Variants in CDK18 observed in about 807,000 individuals in gnomAD.
CDK18 encodes cyclin-dependent kinase 18.
A neutral mutation model predicts 62.0 loss-of-function variants in CDK18; 52 were observed. That is an observed-to-expected ratio of 0.84 (90% confidence interval 0.67 to 1.06). CDK18 has a LOEUF of 1.06. Ranked by LOEUF, CDK18 falls within the 50% of genes least tolerant of loss-of-function variation. The pLI is 0.00. For missense variants in CDK18, 604 were observed against 619.9 expected (o/e 0.97, Z 0.27); for synonymous variants, 237 against 247.0 (o/e 0.96, Z 0.38).
chr1:205,526,812 A>G lies in CDK18; in HGVS notation c.704A>G (p.Asn235Ser). 5 of 1,613,990 alleles carry G rather than the reference A, an allele frequency of 3.1e-6. No homozygotes were observed. The highest frequency in any genetic ancestry group is 4.2e-6 in the Non-Finnish European group (5 of 1,179,870). Residue 235 changes from asparagine (N) to serine (S), a missense_variant, in exon 8 of 16, where the codon AAC becomes AGC. Transcript: ENST00000429964. ...DLKQYLDHCG[N>S]LMSMHNVKIF... ...AAGCAGTATCTGGACCACTGTGGGA[A>G]CCTCATGAGCATGCACAACGTCAAG...
intron 1 of CDK18, among the ~76,000 whole-genome samples, chr1:205,515,463 C>T (rs1667773843): frequency 6.6e-6 from 1 of 152,192 alleles, no homozygotes; most frequent in South Asian, 2.1e-4. Flanking sequence ...AGACATGAGC[C>T]ACCGCGCCTA....
At position 205,529,173 on chromosome 1, in the gene CDK18, G is replaced by C. The variant is rs1668600140; in HGVS notation, c.1072+77G>C. The C allele has an allele frequency of 7.8e-6, 11 of 1,403,488 alleles. 3 individuals carry two copies. The South Asian group carries it at 1.2e-4, about 16-fold the overall frequency. The allele number at this position is 1,403,488 out of a possible 1,614,324, so 86.9% of individuals were successfully genotyped here. A position where few individuals can be genotyped will look rare whatever the true frequency, so the allele number is the denominator to read the frequency against. ...CTCCAGCCCAGGCGCGGAGCGGGAC[G>C]GGGAGGAGCGGCTCGGCCGCCTCTC... On this transcript the variant is annotated intron_variant, in intron 11 of 15. Coordinates refer to ENST00000429964, the MANE Select transcript of CDK18 (RefSeq NM_212502.3).
rs576875715 is a variant in CDK18 at position 205,505,215 on chromosome 1, GAAGGGC to G, written c.-22+425_-22+430del. Among the ~76,000 whole-genome samples, 1,013 of 152,280 alleles carry G rather than the reference GAAGGGC, an allele frequency of 6.7e-3. 3 individuals carry two copies. Among genetic ancestry groups the G allele is most frequent in the Middle Eastern group, 0.034 (10 of 294 alleles). Reference sequence around the variant, plus strand: ...GCTTTCTAAGCTCCCTTCATTCTGGGAAGGGCAAGGGTCAGGAGTCTCCAGGGACCA... The same window carrying G: ...GCTTTCTAAGCTCCCTTCATTCTGGGAAGGGTCAGGAGTCTCCAGGGACCA... On this transcript the variant is annotated intron_variant, in intron 1 of 15. Coordinates refer to ENST00000429964, the MANE Select transcript of CDK18 (RefSeq NM_212502.3).
chr1:205,529,151 C>A, intron 11 of CDK18, 55 bp downstream of exon 11: 1 of 1,478,186 alleles, frequency 6.8e-7, no homozygotes, highest in South Asian at 1.2e-5. Context: ...GGAACTCCTC[C>A]AGCCCAGGCG....
chr1:205,528,833 G>A lies in CDK18; in HGVS notation c.975-166G>A, dbSNP rs941879223. On this transcript the variant is annotated intron_variant, in intron 10 of 15. Transcript: ENST00000429964. The surrounding 1 kb of genome is among the most constrained non-coding windows in gnomAD (Gnocchi z 4.2). ...CCCCCAGAGAGGGGCTGTAGTGGGG[G>A]CTGGGCAGTTCTAGGAGCCTCCACT... 2.3e-5 allele frequency: 12 copies of A among 524,218 alleles called. No individual in the cohort carries two copies. The highest frequency in any genetic ancestry group is 3.7e-5 in the Non-Finnish European group (11 of 293,540). The allele number at this position is 524,218 out of a possible 1,614,324, so 32.5% of individuals were successfully genotyped here.
intron 1 of CDK18, among the ~76,000 whole-genome samples, chr1:205,522,257 C>A (rs576219825): frequency 6.6e-6 from 1 of 152,026 alleles, no homozygotes; most frequent in Admixed American, 6.5e-5. Flanking sequence ...TGGTTGGGGA[C>A]AGGACCGTGG....
Position 205,507,657 on chromosome 1 carries a change from A to T in CDK18, c.-22+2861A>T, listed in dbSNP as rs867735304. The stretch of plus-strand genomic sequence containing the variant: ...TCAAAAAAAAAAAAAAAAAAAAAAA[A>T]AAAAAATAATGCACAGTGCCTGGCA... On this transcript the variant is annotated intron_variant, in intron 1 of 15. Coordinates refer to ENST00000429964, the MANE Select transcript of CDK18 (RefSeq NM_212502.3). 6.9e-3 allele frequency among the ~76,000 whole-genome samples: 1,047 copies of T among 151,526 alleles called. 10 individuals are homozygous for T. Among genetic ancestry groups the T allele is most frequent in the Middle Eastern group, 0.038 (11 of 292 alleles).
intron 1 of CDK18, among the ~76,000 whole-genome samples, chr1:205,508,139 T>C (rs540647007): frequency 6.6e-6 from 1 of 152,330 alleles, no homozygotes; most frequent in South Asian, 2.1e-4. Context: ...CAGGCCCACC[T>C]GATTAGCCCA....
Position 205,521,364 on chromosome 1 carries a change from A to G in CDK18, c.-21-1783A>G, listed in dbSNP as rs1668118982. ...GTAACTGGGATCACAGGTGCACACCACCATGCCCAGCTAATTTTTTTGTAT... is the reference window on the plus strand; with the variant it reads ...GTAACTGGGATCACAGGTGCACACCGCCATGCCCAGCTAATTTTTTTGTAT... On this transcript the variant is annotated intron_variant, in intron 1 of 15. Coordinates refer to ENST00000429964, the MANE Select transcript of CDK18 (RefSeq NM_212502.3). 2.0e-5 allele frequency among the ~76,000 whole-genome samples: 3 copies of G among 152,352 alleles called. No individual in the cohort carries two copies. In the South Asian group the frequency reaches 6.2e-4, roughly 32 times the overall value.
At position 205,523,538 on chromosome 1, in the gene CDK18, C is replaced by A; in HGVS notation, c.186C>A (p.Ser62=). The A allele has an allele frequency of 6.2e-7, 1 of 1,606,962 alleles. No homozygotes were observed. The highest frequency in any genetic ancestry group is 2.2e-5 in the East Asian group (1 of 44,634). The change falls in exon 3 of 16, where the codon TCC becomes TCA. Residue 62 remains serine, a synonymous_variant. Transcript: ENST00000429964. The part of the protein sequence containing the change: ...RDPPQECSTF[S]PTDSGEEPGQ... ...CCCCGCAGGAGTGCAGCACCTTCTC[C>A]CCAACAGACAGCGGGGAGGAGCCGG... is the stretch of plus-strand genomic sequence containing the variant.
At chr1:205,523,358 C>T (rs74141238) in intron 2 of CDK18, 61 bp downstream of exon 2, 77,178 of 1,607,814 alleles carry the variant, frequency 0.048, 3,510 homozygotes, top group African/African-American at 0.23. Context: ...CAGTCACCTT[C>T]CCCTCCCCGC....
rs1416911730 is a variant in CDK18, at chr1:205,531,632, G to T, written c.*254G>T. The T allele has an allele frequency of 7.8e-6, 4 of 510,934 alleles. No homozygotes were observed. The highest frequency in any genetic ancestry group is 1.4e-5 in the Non-Finnish European group (4 of 278,692). 31.7% of individuals were successfully genotyped at this position (510,934 alleles called of 1,614,324 possible). A position where few individuals can be genotyped will look rare whatever the true frequency, so the allele number is the denominator to read the frequency against. Reference sequence around the variant, plus strand: ...CTGGCATAAGCTGCTTCCCTGAGAGGACATGAGGGGGGGGCGGTCCTCGTA... The same window carrying T: ...CTGGCATAAGCTGCTTCCCTGAGAGTACATGAGGGGGGGGCGGTCCTCGTA... On this transcript the variant is annotated 3_prime_UTR_variant, in exon 16 of 16. Coordinates refer to ENST00000429964, the MANE Select transcript of CDK18 (RefSeq NM_212502.3).
chr1:205,516,158 AG>A lies in CDK18; in HGVS notation c.-21-6987del, dbSNP rs1323437450. Among the ~76,000 whole-genome samples the A allele has an allele frequency of 6.6e-6, 1 of 152,164 alleles. No individual in the cohort carries two copies. The highest frequency in any genetic ancestry group is 1.5e-5 in the Non-Finnish European group (1 of 68,018). ...AGCTGTGCAGAACAGGGTCAGCTGG[AG>A]GATGAAGGAAGAGATGGTATCTGCA... On this transcript the variant is annotated intron_variant, in intron 1 of 15. Transcript: ENST00000429964. This position sits in a 1 kb window ranked among gnomAD's most constrained non-coding sequence, Gnocchi z 4.8.
In CDK18 at chr1:205,526,227, G is replaced by A. The variant is rs367897237; in HGVS notation, c.571+48G>A. The A allele has an allele frequency of 8.4e-6, 13 of 1,552,292 alleles. No individual in the cohort carries two copies. The African/African-American group carries it at 1.2e-4, about 15-fold the overall frequency. ...GCTCCCCTGGGGGCTTCAGGAGGAGGGGTTCACCAGCCTGCACCCTTGTGG... is the reference window on the plus strand; with the variant it reads ...GCTCCCCTGGGGGCTTCAGGAGGAGAGGTTCACCAGCCTGCACCCTTGTGG... On this transcript the variant is annotated intron_variant, in intron 6 of 15. Coordinates refer to ENST00000429964, the MANE Select transcript of CDK18 (RefSeq NM_212502.3).
At chr1:205,523,920 A>ACT (rs531615578) in intron 3 of CDK18, among the ~76,000 whole-genome samples, 230 of 152,376 alleles carry the variant, frequency 1.5e-3, no homozygotes, top group Non-Finnish European at 2.8e-3. Context: ...GCCCAAGTAT[A>ACT]TGAAAAAATA....
Position 205,519,564 on chromosome 1 carries a change from C to G in CDK18, c.-21-3583C>G, listed in dbSNP as rs563969490. Among the ~76,000 whole-genome samples the G allele has an allele frequency of 9.8e-5, 15 of 152,332 alleles. No individual in the cohort carries two copies. In the East Asian group the frequency reaches 2.9e-3, roughly 29 times the overall value. ...CTTCTGCTGCTGTGACAGCCACTTC[C>G]TCTCAGGCTCCTGTCCTGCGGGTGG... is the stretch of plus-strand genomic sequence containing the variant. On this transcript the variant is annotated intron_variant, in intron 1 of 15. Coordinates refer to ENST00000429964, the MANE Select transcript of CDK18 (RefSeq NM_212502.3).
intron 15 of CDK18, 34 bp from the exon 16 acceptor site, chr1:205,531,310 C>T: frequency 1.9e-6 from 3 of 1,612,530 alleles, no homozygotes; most frequent in Non-Finnish European, 1.7e-6. Context: ...GCCCAGCCTC[C>T]TCCCTGCAGC....
rs781356876 is a variant in CDK18 at position 205,530,697 on chromosome 1, A to G, written c.1382A>G (p.Gln461Arg). ...CCAGGCTACCGAGGCTTGGCCTTCC[A>G]GCAGCCAGGTAGGGGCTTGTGCTCT... ...KDPGYRGLAF[Q>R]QPGRGKNRRQ... Residue 461 changes from glutamine to arginine, a missense_variant, in exon 15 of 16, where the codon CAG becomes CGG. Physicochemically the swap from Gln to Arg is conservative, Grantham distance 43. Coordinates refer to ENST00000429964, the MANE Select transcript of CDK18 (RefSeq NM_212502.3). The G allele has an allele frequency of 6.2e-7, 1 of 1,613,648 alleles. No individual in the cohort carries two copies. The highest frequency in any genetic ancestry group is 2.2e-5 in the East Asian group (1 of 44,882).
At position 205,529,403 on chromosome 1, in the gene CDK18, G is replaced by A; in HGVS notation, c.1152G>A (p.Pro384=). ...FRTYSFPCYL[P]QPLINHAPRL... ...CCTACAGCTTCCCCTGCTACCTCCCGCAGCCGCTCATCAACCACGCGCCCA... is the reference window on the plus strand; with the variant it reads ...CCTACAGCTTCCCCTGCTACCTCCCACAGCCGCTCATCAACCACGCGCCCA... The change falls in exon 12 of 16, where the codon CCG becomes CCA. Residue 384 remains proline, a synonymous_variant. Coordinates refer to ENST00000429964, the MANE Select transcript of CDK18 (RefSeq NM_212502.3). The A allele has an allele frequency of 1.2e-6, 2 of 1,613,910 alleles. No individual in the cohort carries two copies. The highest frequency in any genetic ancestry group is 2.2e-5 in the South Asian group (2 of 91,068).
Sources: allele counts gnomAD v4.1 joint callset (sites outside exome capture counted in the v4.1 genomes callset), GRCh38; gene constraint gnomAD v4.1.1; non-coding constraint Gnocchi (gnomAD v3.1); transcripts MANE v1.5; gene names NCBI Gene and HGNC (gene_info 2026-07-23, HGNC 2026-07-21).